The following INPP4B variants were observed in gnomAD, a reference collection of about 807,000 sequenced individuals.
The protein encoded by INPP4B is inositol polyphosphate-4-phosphatase type II B.
A neutral mutation model predicts 122.5 loss-of-function variants in INPP4B; 55 were observed. The observed-to-expected ratio is 0.45, with a 90% CI of 0.36 to 0.56. The LOEUF (loss-of-function observed/expected upper bound fraction) is 0.56. Ranked by LOEUF, INPP4B falls within the 20% of genes least tolerant of loss-of-function variation. The probability of loss-of-function intolerance (pLI) is 0.00; values close to 1 mark genes in which losing one functional copy is unlikely to be tolerated. For synonymous variants in INPP4B, 403 were observed against 388.7 expected, an observed-to-expected ratio of 1.04 and a Z score of -0.43; for missense variants, 1,000 against 1,097.7, an observed-to-expected ratio of 0.91 and a Z score of 1.26.
intron 2 of INPP4B, among the ~76,000 whole-genome samples, chr4:142,617,442 G>A (rs1743958017): frequency 6.6e-6 from 1 of 152,078 alleles, no homozygotes; most frequent in Admixed American, 6.6e-5. Context: ...ACCATTGCTT[G>A]CTGCTCAGAA....
rs534394111 is a variant in INPP4B at position 142,368,447 on chromosome 4, T to C, written c.372+34491A>G. ...AATATTAATAATAATGTCTTTTTCA[T>C]CATCTATATAATAACTGATATCTAA... On this transcript the variant is annotated intron_variant, in intron 7 of 25. Transcript: ENST00000262992. 2.6e-5 allele frequency among the ~76,000 whole-genome samples: 4 copies of C among 152,244 alleles called. 1 individual carries two copies. The South Asian group carries it at 8.3e-4, about 32-fold the overall frequency.
At chr4:142,253,397 G>T (rs901671158) in intron 11 of INPP4B, among the ~76,000 whole-genome samples, 1 of 152,242 alleles carries the variant, frequency 6.6e-6, no homozygotes, top group Admixed American at 6.5e-5. Context: ...CTCCCAGTGT[G>T]AGCGATGCAG....
At chr4:142,501,956 G>T (rs763079108) in intron 2 of INPP4B, among the ~76,000 whole-genome samples, 3 of 152,090 alleles carry the variant, frequency 2.0e-5, no homozygotes, top group Non-Finnish European at 4.4e-5. Context: ...GGAAGTCAAG[G>T]AAAATCTCCA....
chr4:142,673,494 C>T (rs550155985), intron 2 of INPP4B, among the ~76,000 whole-genome samples: 84 of 151,742 alleles, frequency 5.5e-4, no homozygotes, highest in African/African-American at 2.0e-3. Context: ...GAGAATAATA[C>T]GTTTGCAACC....
At chr4:142,672,506 C>T (rs1028413068) in intron 2 of INPP4B, among the ~76,000 whole-genome samples, 2 of 152,200 alleles carry the variant, frequency 1.3e-5, no homozygotes, top group East Asian at 1.9e-4. Flanking sequence ...TCTTTAATGA[C>T]TAATGATGTT....
intron 3 of INPP4B, among the ~76,000 whole-genome samples, chr4:142,438,195 A>G (rs1810946223): frequency 1.3e-5 from 2 of 152,194 alleles, no homozygotes; most frequent in Non-Finnish European, 1.5e-5. Flanking sequence ...GAATTAGAAA[A>G]AAACTACTTT....
At position 142,173,755 on chromosome 4, in the gene INPP4B, T is replaced by C; in HGVS notation, c.1236A>G (p.Glu412=). ...GTAGTTGATTGATGTTGCTGAGAAC[T>C]TCCTTTGCTTTGGCTGTGTTTTCAG... ...YSPENTAKAK[E]VLSNINQLQP... The change falls in exon 16 of 26, where the codon GAA becomes GAG. Residue 412 remains glutamate (E), a synonymous_variant. Coordinates refer to ENST00000262992, the MANE Select transcript of INPP4B (RefSeq NM_001101669.3). The C allele has an allele frequency of 6.2e-7, 1 of 1,613,302 alleles. No individual in the cohort carries two copies.
At chr4:142,203,689 A>G (rs1455929455) in intron 14 of INPP4B, among the ~76,000 whole-genome samples, 1 of 152,090 alleles carries the variant, frequency 6.6e-6, no homozygotes, top group Non-Finnish European at 1.5e-5. Flanking sequence ...ATGAGACATG[A>G]CAACATTAGT....
chr4:142,375,861 T>C (rs1304548350), intron 7 of INPP4B, among the ~76,000 whole-genome samples: 1 of 151,886 alleles, frequency 6.6e-6, no homozygotes, highest in East Asian at 1.9e-4. Flanking sequence ...TAACAGCAAG[T>C]GCCCACACCT....
At chr4:142,485,186 C>A (rs926825037) in intron 2 of INPP4B, among the ~76,000 whole-genome samples, 2 of 152,024 alleles carry the variant, frequency 1.3e-5, no homozygotes, top group African/African-American at 4.8e-5. Context: ...GATCTTAGGC[C>A]AGAAAGCTGA....
chr4:142,254,201 G>A (rs1297466234), intron 11 of INPP4B, among the ~76,000 whole-genome samples: 1 of 152,054 alleles, frequency 6.6e-6, no homozygotes, highest in Non-Finnish European at 1.5e-5. Context: ...AAAACCCATT[G>A]GTACATCACC....
At chr4:142,525,844 C>A (rs911871918) in intron 2 of INPP4B, among the ~76,000 whole-genome samples, 1 of 150,262 alleles carries the variant, frequency 6.7e-6, no homozygotes, top group Non-Finnish European at 1.5e-5. Context: ...GACTTCATGT[C>A]TAAAACACCA....
At chr4:142,202,901 T>C (rs1286547621) in intron 14 of INPP4B, 2 of 308,196 alleles carry the variant, frequency 6.5e-6, no homozygotes, top group Non-Finnish European at 9.5e-6. Context: ...CATGAGAGAC[T>C]ATCTCTGCCT....
chr4:142,334,346 A>G (rs1775781500), intron 7 of INPP4B, among the ~76,000 whole-genome samples: 1 of 152,302 alleles, frequency 6.6e-6, no homozygotes, highest in East Asian at 1.9e-4. Context: ...TAATTCATCC[A>G]TCAGAGGATA....
chr4:142,195,801 A>G (rs540356484), intron 14 of INPP4B, among the ~76,000 whole-genome samples: 3 of 152,312 alleles, frequency 2.0e-5, no homozygotes, highest in Admixed American at 1.3e-4. Flanking sequence ...ACTTTTGCCA[A>G]ATTTGCAAAA....
At chr4:142,651,750 A>T (rs1013013166) in intron 2 of INPP4B, among the ~76,000 whole-genome samples, 7 of 152,214 alleles carry the variant, frequency 4.6e-5, no homozygotes, top group African/African-American at 1.7e-4. Flanking sequence ...ACCAAAAAAA[A>T]GTCCAGCACC....
intron 18 of INPP4B, among the ~76,000 whole-genome samples, chr4:142,133,957 T>C (rs1213182055): frequency 1.3e-5 from 2 of 152,204 alleles, no homozygotes; most frequent in South Asian, 2.1e-4. Context: ...CGTTGCTCTA[T>C]ATTTTTTTCT....
chr4:142,544,970 A>G (rs1208756661), intron 2 of INPP4B, among the ~76,000 whole-genome samples: 3 of 152,208 alleles, frequency 2.0e-5, no homozygotes, highest in Non-Finnish European at 4.4e-5. Context: ...AAACAAAACC[A>G]TGTAAATTTT....
At chr4:142,842,043 T>A (rs1783562618) in intron 1 of INPP4B, among the ~76,000 whole-genome samples, 1 of 151,848 alleles carries the variant, frequency 6.6e-6, no homozygotes, top group South Asian at 2.1e-4. Flanking sequence ...GGAGGAGATG[T>A]TGCCTTCATT....
Sources: gnomAD v4.1 joint callset for allele counts (sites outside exome capture counted in the v4.1 genomes callset) on GRCh38, gnomAD v4.1.1 for gene constraint, MANE v1.5 for transcripts, NCBI Gene and HGNC (gene_info 2026-07-23, HGNC 2026-07-21) for gene names.